EPHA6: variants seen among roughly 807,000 people sequenced by gnomAD.
EPHA6 encodes the protein EPH receptor A6, also known as ephrin type-A receptor 6.
EPHA6 carries 50 observed loss-of-function variants against 112.0 expected under a neutral mutation model. The ratio of observed to expected loss-of-function variants is 0.45; its 90% CI spans 0.36 to 0.56. The LOEUF (loss-of-function observed/expected upper bound fraction) is 0.56, where lower values mean the gene tolerates loss of function less well. Ranked by LOEUF, EPHA6 falls within the 20% of genes least tolerant of loss-of-function variation. EPHA6 has a pLI of 0.00. For missense variants in EPHA6, 1,280 were observed against 1,417.4 expected, an observed-to-expected ratio of 0.90 and a Z score of 1.56; for synonymous variants, 529 against 490.7, an observed-to-expected ratio of 1.08 and a Z score of -1.03.
rs577230322 is a variant in EPHA6, at chr3:97,753,872, G to A, written c.*5171G>A. On this transcript the variant is annotated 3_prime_UTR_variant, in exon 18 of 18. Coordinates refer to ENST00000389672, the MANE Select transcript of EPHA6 (RefSeq NM_001080448.3). The stretch of plus-strand genomic sequence containing the variant: ...GTTAAAAAAAAAGTACTGATGAGAT[G>A]TAGCAAAGATTTCTCAGGATAAAAA... 5.9e-5 allele frequency among the ~76,000 whole-genome samples: 9 copies of A among 152,030 alleles called. No individual in the cohort carries two copies. Among genetic ancestry groups the A allele is most frequent in the Non-Finnish European group, 8.8e-5 (6 of 67,946 alleles).
intron 5 of EPHA6, among the ~76,000 whole-genome samples, chr3:97,251,252 C>T (rs994909455): frequency 4.0e-5 from 6 of 151,886 alleles, no homozygotes; most frequent in African/African-American, 1.2e-4. Flanking sequence ...AACAAAAGGC[C>T]GGGCGCAGTG....
intron 2 of EPHA6, among the ~76,000 whole-genome samples, chr3:96,906,130 GT>G (rs1475441774): frequency 6.6e-6 from 1 of 151,944 alleles, no homozygotes; most frequent in Non-Finnish European, 1.5e-5. Context: ...TTCTTTTCCT[GT>G]TTTAAAAAAC....
chr3:97,610,918 A>G (rs1576065966), intron 13 of EPHA6, 64 bp downstream of exon 13: 5 of 1,306,186 alleles, frequency 3.8e-6, no homozygotes, highest in East Asian at 4.7e-5. Context: ...TAAATCATTT[A>G]TCATAAATTA....
chr3:97,396,769 A>G (rs2086717363), intron 5 of EPHA6, among the ~76,000 whole-genome samples: 1 of 151,776 alleles, frequency 6.6e-6, no homozygotes, highest in Non-Finnish European at 1.5e-5. Flanking sequence ...GATTGAAGTA[A>G]GATAAATATA....
Position 97,142,430 on chromosome 3 carries a change from G to T in EPHA6, c.1115-83834G>T, listed in dbSNP as rs191743986. Among the ~76,000 whole-genome samples, 242 of 151,956 alleles carry T rather than the reference G, an allele frequency of 1.6e-3. 1 individual carries two copies. The highest frequency in any genetic ancestry group is 5.3e-3 in the African/African-American group (222 of 41,514). ...CATAAGCAAAATTGATAGACTGCTA[G>T]CTCAATTAACCAAGAAAATAAGAGA... On this transcript the variant is annotated intron_variant, in intron 3 of 17. Transcript: ENST00000389672.
intron 5 of EPHA6, among the ~76,000 whole-genome samples, chr3:97,313,966 T>A (rs997986490): frequency 6.6e-6 from 1 of 151,750 alleles, no homozygotes; most frequent in African/African-American, 2.4e-5. Context: ...CAGACCAATG[T>A]CATGGAGCTT....
intron 6 of EPHA6, among the ~76,000 whole-genome samples, chr3:97,406,663 G>A (rs2087367646): frequency 6.6e-6 from 1 of 152,110 alleles, no homozygotes; most frequent in Admixed American, 6.6e-5. Context: ...TAGTAGCATA[G>A]CTGTATCCAT....
intron 3 of EPHA6, among the ~76,000 whole-genome samples, chr3:97,216,529 T>C (rs965683111): frequency 6.6e-6 from 1 of 152,230 alleles, no homozygotes; most frequent in African/African-American, 2.4e-5. Flanking sequence ...CAATGGAAAT[T>C]AGTATGACTA....
intron 3 of EPHA6, among the ~76,000 whole-genome samples, chr3:97,123,565 C>T (rs2048102397): frequency 1.3e-5 from 2 of 152,022 alleles, no homozygotes; most frequent in Admixed American, 6.6e-5. Flanking sequence ...AGAGGTGGAG[C>T]TGGAACAGCC....
intron 2 of EPHA6, among the ~76,000 whole-genome samples, chr3:96,877,501 A>G (rs932013525): frequency 4.6e-5 from 7 of 152,062 alleles, no homozygotes; most frequent in African/African-American, 1.4e-4. Context: ...TATTCACCCC[A>G]GGTGGTTATT....
chr3:97,416,573 A>T (rs967062307), intron 6 of EPHA6, among the ~76,000 whole-genome samples: 1 of 152,106 alleles, frequency 6.6e-6, no homozygotes, highest in Non-Finnish European at 1.5e-5. Flanking sequence ...TGGCTTGAAT[A>T]TAGTAAGGAA....
intron 4 of EPHA6, among the ~76,000 whole-genome samples, chr3:97,231,224 A>G (rs906719222): frequency 2.0e-5 from 3 of 152,182 alleles, no homozygotes; most frequent in Non-Finnish European, 2.9e-5. Context: ...AAAGTGAAAT[A>G]TAGAGCTTTA....
intron 6 of EPHA6, among the ~76,000 whole-genome samples, chr3:97,435,641 A>G (rs897642167): frequency 6.6e-6 from 1 of 152,208 alleles, no homozygotes. Context: ...TACATAGTCC[A>G]TAAATATTTA....
At chr3:97,529,333 T>G (rs906035681) in intron 10 of EPHA6, among the ~76,000 whole-genome samples, 7 of 152,116 alleles carry the variant, frequency 4.6e-5, no homozygotes, top group African/African-American at 1.7e-4. Context: ...CTCAAAGGTT[T>G]ACTGGGAAGA....
intron 3 of EPHA6, among the ~76,000 whole-genome samples, chr3:97,011,734 A>G (rs1442839642): frequency 6.6e-6 from 1 of 152,138 alleles, no homozygotes; most frequent in Non-Finnish European, 1.5e-5. Flanking sequence ...TCTGATACAA[A>G]TGATCCCATC....
chr3:97,466,253 A>C (rs2091048783), intron 7 of EPHA6: 1 of 1,081,110 alleles, frequency 9.2e-7, no homozygotes, highest in African/African-American at 1.6e-5. Context: ...ATCAAAATCA[A>C]AAGATGACAG....
At chr3:97,168,797 T>C (rs1045943869) in intron 3 of EPHA6, among the ~76,000 whole-genome samples, 1 of 152,006 alleles carries the variant, frequency 6.6e-6, no homozygotes, top group Non-Finnish European at 1.5e-5. Flanking sequence ...TCTATAGCAG[T>C]GGGAGAATGG....
chr3:97,696,509 A>G (rs1576306621), intron 14 of EPHA6, among the ~76,000 whole-genome samples: 1 of 152,168 alleles, frequency 6.6e-6, no homozygotes, highest in Non-Finnish European at 1.5e-5. Context: ...TCCCTTCTGT[A>G]TTGGCACCAA....
At chr3:97,390,144 A>G (rs946250716) in intron 5 of EPHA6, among the ~76,000 whole-genome samples, 11 of 152,166 alleles carry the variant, frequency 7.2e-5, no homozygotes, top group Non-Finnish European at 1.6e-4. Context: ...ACACCTGGCT[A>G]CTTGTCTGAC....
Sources: allele counts gnomAD v4.1 joint callset (sites outside exome capture counted in the v4.1 genomes callset), GRCh38; gene constraint gnomAD v4.1.1; transcripts MANE v1.5; gene names NCBI Gene and HGNC (gene_info 2026-07-23, HGNC 2026-07-21).